Variants in ITFG1 observed in about 807,000 individuals in gnomAD.
ITFG1 encodes the protein T-cell immunomodulatory protein.
ITFG1 carries 34 observed loss-of-function variants against 81.8 expected under a neutral mutation model. That is an observed-to-expected ratio of 0.42 (90% confidence interval 0.32 to 0.55). The LOEUF (loss-of-function observed/expected upper bound fraction) is 0.55. ITFG1 is among the 20% of genes least tolerant of loss of function. The pLI is 0.17. For missense variants in ITFG1, 672 were observed against 755.4 expected (o/e 0.89, Z 1.29); for synonymous variants, 285 against 270.6 (o/e 1.05, Z -0.52).
In ITFG1 at chr16:47,327,056, G is replaced by A. The variant is rs569736645; in HGVS notation, c.803-13233C>T. Among the ~76,000 whole-genome samples, 4 of 152,222 alleles carry A rather than the reference G, an allele frequency of 2.6e-5. No individual in the cohort carries two copies. The East Asian group carries it at 7.7e-4, about 29-fold the overall frequency. ...AAAAGAAGAAAGGTGGAGGCATCACGCTACCTGACTTCAAACTATACTACA... is the reference window on the plus strand; with the variant it reads ...AAAAGAAGAAAGGTGGAGGCATCACACTACCTGACTTCAAACTATACTACA... On this transcript the variant is annotated intron_variant, in intron 8 of 17. Coordinates refer to ENST00000320640, the MANE Select transcript of ITFG1 (RefSeq NM_030790.5).
chr16:47,347,493 C>T (rs566272058), intron 8 of ITFG1, among the ~76,000 whole-genome samples: 7 of 152,292 alleles, frequency 4.6e-5, no homozygotes, highest in Middle Eastern at 3.4e-3. Flanking sequence ...AGCAGGGCTG[C>T]GGGAGGGGCG....
rs1021072780 is a variant in ITFG1, at chr16:47,181,396, G to A, written c.1454-18732C>T. Among the ~76,000 whole-genome samples the A allele has an allele frequency of 3.4e-5, 5 of 147,446 alleles. 1 individual carries two copies. Among genetic ancestry groups the A allele is most frequent in the African/African-American group, 1.3e-4 (5 of 39,180 alleles). ...CCGGCCAGCCACCCCGTCCGGCAGGGAGATGGGGGGGTCAGCCCCCCCGCC... is the reference window on the plus strand; with the variant it reads ...CCGGCCAGCCACCCCGTCCGGCAGGAAGATGGGGGGGTCAGCCCCCCCGCC... On this transcript the variant is annotated intron_variant, in intron 14 of 17. Coordinates refer to ENST00000320640, the MANE Select transcript of ITFG1 (RefSeq NM_030790.5).
intron 8 of ITFG1, among the ~76,000 whole-genome samples, chr16:47,328,119 C>T (rs1404336594): frequency 6.6e-6 from 1 of 152,126 alleles, no homozygotes; most frequent in Admixed American, 6.6e-5. Flanking sequence ...GGCACATATA[C>T]ACCATGGAAT....
At chr16:47,458,576 T>G (rs990532567) in intron 2 of ITFG1, among the ~76,000 whole-genome samples, 3 of 152,216 alleles carry the variant, frequency 2.0e-5, no homozygotes, top group African/African-American at 7.2e-5. Context: ...CATTGTTTCA[T>G]GCAATGCCAA....
chr16:47,419,276 ATTTT>A (rs111618943), intron 6 of ITFG1, among the ~76,000 whole-genome samples: 1 of 149,550 alleles, frequency 6.7e-6, no homozygotes, highest in Non-Finnish European at 1.5e-5. Flanking sequence ...TTCCTTCTTA[ATTTT>A]TTTTTTGAGA....
At chr16:47,160,716 T>G (rs1487183568) in intron 16 of ITFG1, among the ~76,000 whole-genome samples, 1 of 152,180 alleles carries the variant, frequency 6.6e-6, no homozygotes. Context: ...AAAATGCATC[T>G]GCTGGTATGC....
intron 14 of ITFG1, among the ~76,000 whole-genome samples, chr16:47,184,809 C>T (rs1465648755): frequency 2.0e-5 from 3 of 152,026 alleles, no homozygotes; most frequent in Non-Finnish European, 2.9e-5. Context: ...GGACTAAATG[C>T]TCCAATTAAA....
intron 14 of ITFG1, among the ~76,000 whole-genome samples, chr16:47,211,224 A>G (rs1965557393): frequency 6.6e-6 from 1 of 152,350 alleles, no homozygotes; most frequent in South Asian, 2.1e-4. Flanking sequence ...TTTTCAACAT[A>G]TAAGTCCTCT....
At chr16:47,314,148 A>AACCT (rs1406094699) in intron 8 of ITFG1, among the ~76,000 whole-genome samples, 1 of 152,144 alleles carries the variant, frequency 6.6e-6, no homozygotes, top group Admixed American at 6.5e-5. Flanking sequence ...CCATGTAACA[A>AACCT]ACCTACACAT....
At chr16:47,280,645 T>C (rs1485015511) in intron 10 of ITFG1, among the ~76,000 whole-genome samples, 1 of 152,146 alleles carries the variant, frequency 6.6e-6, no homozygotes, top group Non-Finnish European at 1.5e-5. Flanking sequence ...ATGAGCTATC[T>C]CATCTATCTT....
In ITFG1 at chr16:47,326,985, A is replaced by T. The variant is rs529189649; in HGVS notation, c.803-13162T>A. Among the ~76,000 whole-genome samples the T allele has an allele frequency of 6.8e-3, 1,030 of 152,346 alleles. 12 individuals carry two copies. The highest frequency in any genetic ancestry group is 0.023 in the African/African-American group (961 of 41,570). On this transcript the variant is annotated intron_variant, in intron 8 of 17. Transcript: ENST00000320640. ...ATTGGAAAAAACTACTTTAAAGTGC[A>T]TATGGAACCAAAAAAGAGCCCGCAT...
At chr16:47,187,535 G>A (rs1411452992) in intron 14 of ITFG1, among the ~76,000 whole-genome samples, 8 of 152,082 alleles carry the variant, frequency 5.3e-5, no homozygotes, top group Non-Finnish European at 4.4e-5. Flanking sequence ...TTAATAAATG[G>A]TGCTGGGAAA....
upstream of ITFG1, chr16:47,461,124 G>A (rs987566833): frequency 5.2e-6 from 7 of 1,351,092 alleles, no homozygotes; most frequent in South Asian, 1.5e-5. Context: ...CCGGCCGAGA[G>A]AGTGGCGCGC....
chr16:47,273,002 G>C (rs1489233207), intron 10 of ITFG1, among the ~76,000 whole-genome samples: 1 of 149,616 alleles, frequency 6.7e-6, no homozygotes, highest in Non-Finnish European at 1.5e-5. Context: ...ATGAGGTCTG[G>C]GTTATTCTAG....
At chr16:47,387,697 T>C (rs1968479980) in intron 6 of ITFG1, among the ~76,000 whole-genome samples, 3 of 152,328 alleles carry the variant, frequency 2.0e-5, no homozygotes, top group Non-Finnish European at 4.4e-5. Context: ...AACCTTCTCA[T>C]ACCTTCTTGG....
intron 5 of ITFG1, among the ~76,000 whole-genome samples, chr16:47,441,832 C>A: frequency 6.6e-6 from 1 of 151,990 alleles, no homozygotes; most frequent in Non-Finnish European, 1.5e-5. Context: ...CTGGCCAGGG[C>A]AATCAGGCAG....
chr16:47,442,105 T>C (rs1299331145), intron 5 of ITFG1, among the ~76,000 whole-genome samples: 1 of 152,100 alleles, frequency 6.6e-6, no homozygotes, highest in Non-Finnish European at 1.5e-5. Flanking sequence ...ATCAAATACC[T>C]AGGAATCCAA....
intron 12 of ITFG1, among the ~76,000 whole-genome samples, chr16:47,244,211 C>A (rs768318685): frequency 6.6e-6 from 1 of 152,178 alleles, no homozygotes; most frequent in Non-Finnish European, 1.5e-5. Context: ...AGCAGGTAAA[C>A]GTAAGTAAAG....
chr16:47,244,946 C>G (rs1431982891), intron 12 of ITFG1, among the ~76,000 whole-genome samples: 1 of 152,108 alleles, frequency 6.6e-6, no homozygotes, highest in Non-Finnish European at 1.5e-5. Context: ...TCTTTAACTT[C>G]CTAGCTTCTA....
Sources: gnomAD v4.1 joint callset for allele counts (sites outside exome capture counted in the v4.1 genomes callset) on GRCh38, gnomAD v4.1.1 for gene constraint, MANE v1.5 for transcripts, NCBI Gene and HGNC (gene_info 2026-07-23, HGNC 2026-07-21) for gene names.